Variants in RIMS2 observed in about 807,000 individuals in gnomAD.
RIMS2 encodes the protein regulating synaptic membrane exocytosis protein 2.
In RIMS2, 59 loss-of-function variants were observed where a neutral mutation model predicts 174.4. The ratio of observed to expected loss-of-function variants is 0.34; its 90% CI spans 0.27 to 0.42. The LOEUF is 0.42. Among genes scored for constraint, RIMS2 ranks in the 10% least tolerant of loss-of-function variants. The pLI, the probability that RIMS2 is intolerant of heterozygous loss-of-function variation, is 1.00. For missense variants in RIMS2, 1,620 were observed against 1,666.3 expected (o/e 0.97, Z 0.48); for synonymous variants, 606 against 572.5 (o/e 1.06, Z -0.84).
intron 1 of RIMS2, among the ~76,000 whole-genome samples, chr8:103,603,104 G>A (rs994599713): frequency 1.2e-4 from 18 of 149,830 alleles, no homozygotes; most frequent in South Asian, 4.2e-4. Flanking sequence ...CCACTAACTC[G>A]TCATCTAGCA....
chr8:103,940,039 A>T (rs960842794), intron 13 of RIMS2, among the ~76,000 whole-genome samples: 9 of 151,938 alleles, frequency 5.9e-5, no homozygotes, highest in Admixed American at 3.9e-4. Context: ...AGCCCTCCAA[A>T]CTGTTCCAAC....
At chr8:103,525,294 C>G (rs561295700) in intron 1 of RIMS2, among the ~76,000 whole-genome samples, 12 of 152,170 alleles carry the variant, frequency 7.9e-5, no homozygotes, top group African/African-American at 2.9e-4. Flanking sequence ...AAAAATGGCC[C>G]CTGTTAACTT....
intron 19 of RIMS2, among the ~76,000 whole-genome samples, chr8:104,110,296 T>C (rs1035018633): frequency 1.3e-5 from 2 of 152,164 alleles, no homozygotes; most frequent in Non-Finnish European, 2.9e-5. Flanking sequence ...GCAGAATACC[T>C]TTTGAAGACA....
intron 19 of RIMS2, among the ~76,000 whole-genome samples, chr8:104,135,613 CAAAAAAAAAAAA>C (rs35163912): frequency 1.3e-5 from 1 of 79,688 alleles, no homozygotes; most frequent in Non-Finnish European, 2.5e-5. Context: ...CTCCCAACCT[CAAAAAAAAAAAA>C]AAAAAAAAAA....
At chr8:104,128,109 A>AG (rs1400526497) in intron 19 of RIMS2, among the ~76,000 whole-genome samples, 1 of 152,230 alleles carries the variant, frequency 6.6e-6, no homozygotes, top group African/African-American at 2.4e-5. Flanking sequence ...TTGAAATGAT[A>AG]GCTAATTAAT....
chr8:103,842,753 A>T (rs147649210), intron 3 of RIMS2, among the ~76,000 whole-genome samples: 211 of 152,326 alleles, frequency 1.4e-3, no homozygotes, highest in African/African-American at 4.9e-3. Flanking sequence ...AAAAATTTAA[A>T]CATTTACTCA....
intron 19 of RIMS2, among the ~76,000 whole-genome samples, chr8:104,157,750 C>A (rs562692998): frequency 2.8e-4 from 43 of 152,252 alleles, no homozygotes; most frequent in Non-Finnish European, 5.6e-4. Flanking sequence ...CCTTCACCTT[C>A]TGGCTATTGT....
At chr8:103,600,044 A>G (rs949439252) in intron 1 of RIMS2, among the ~76,000 whole-genome samples, 1 of 151,962 alleles carries the variant, frequency 6.6e-6, no homozygotes, top group Non-Finnish European at 1.5e-5. Flanking sequence ...CTAACCCCTC[A>G]CTACCCTTAT....
At chr8:103,501,196 C>A in intron 1 of RIMS2, 134 bp downstream of exon 1, 1 of 518,492 alleles carries the variant, frequency 1.9e-6, no homozygotes, top group Non-Finnish European at 3.1e-6. Context: ...AGGGCTGCGG[C>A]CAGCGCCGGC....
chr8:103,842,339 CTG>C (rs1197027467), intron 3 of RIMS2, among the ~76,000 whole-genome samples: 2 of 152,024 alleles, frequency 1.3e-5, no homozygotes, highest in African/African-American at 4.8e-5. Context: ...TCTAAAGAAA[CTG>C]TAGCAAAATG....
chr8:103,642,060 T>C (rs2096242724), intron 1 of RIMS2, among the ~76,000 whole-genome samples: 1 of 152,218 alleles, frequency 6.6e-6, no homozygotes, highest in Non-Finnish European at 1.5e-5. Context: ...TGACTATTTT[T>C]AGTTGAATTC....
At chr8:103,768,830 T>C (rs1271230666) in intron 3 of RIMS2, 2 of 626,668 alleles carry the variant, frequency 3.2e-6, no homozygotes, top group Non-Finnish European at 6.0e-6. Flanking sequence ...ACTCCATGTG[T>C]CCTGCAGCAC....
chr8:103,975,384 A>G, exon 16 of RIMS2: 1 of 1,612,960 alleles, frequency 6.2e-7, no homozygotes, highest in Non-Finnish European at 8.5e-7. Flanking sequence ...TTCAAAGCTC[A>G]ACATTATCAG....
chr8:103,972,283 T>G (rs1401030827), intron 15 of RIMS2, among the ~76,000 whole-genome samples: 1 of 152,196 alleles, frequency 6.6e-6, no homozygotes, highest in Non-Finnish European at 1.5e-5. Context: ...TAAGTCAGAA[T>G]TTTAGATTTG....
chr8:103,998,174 C>A (rs748302817), intron 17 of RIMS2: 1 of 1,587,786 alleles, frequency 6.3e-7, no homozygotes, highest in South Asian at 1.1e-5. Flanking sequence ...TTGTTTCTGC[C>A]ATGCTTGCAG....
At chr8:103,605,665 C>G (rs908288824) in intron 1 of RIMS2, among the ~76,000 whole-genome samples, 1 of 152,224 alleles carries the variant, frequency 6.6e-6, no homozygotes, top group African/African-American at 2.4e-5. Context: ...TTGAGTATTG[C>G]CACAATTTCT....
intron 19 of RIMS2, among the ~76,000 whole-genome samples, chr8:104,180,248 A>G (rs1474618804): frequency 6.6e-6 from 1 of 151,732 alleles, no homozygotes; most frequent in African/African-American, 2.4e-5. Flanking sequence ...TTTGAAAAAT[A>G]TTGCAAATTA....
chr8:103,935,232 C>A (rs1305422208), intron 12 of RIMS2, among the ~76,000 whole-genome samples: 1 of 152,188 alleles, frequency 6.6e-6, no homozygotes, highest in Non-Finnish European at 1.5e-5. Context: ...TCACTTCTTT[C>A]CATGTATAGA....
chr8:103,872,978 A>G (rs1479663758), intron 3 of RIMS2, among the ~76,000 whole-genome samples: 4 of 152,190 alleles, frequency 2.6e-5, no homozygotes, highest in African/African-American at 9.6e-5. Context: ...TTATAAAGCT[A>G]TTAATTCTTA....
Sources: allele counts gnomAD v4.1 joint callset (sites outside exome capture counted in the v4.1 genomes callset), GRCh38; gene constraint gnomAD v4.1.1; transcripts MANE v1.5; gene names NCBI Gene and HGNC (gene_info 2026-07-23, HGNC 2026-07-21).